Variants in TAS2R1 observed in about 807,000 individuals in gnomAD.
TAS2R1 encodes taste 2 receptor member 1, also known as taste receptor type 2 member 1.
For missense variants in TAS2R1, 370 were observed against 353.4 expected (o/e 1.05, Z -0.38); for synonymous variants, 141 against 134.2 (o/e 1.05, Z -0.35).
chr5:9,896,458 T>C, the TAS2R1 span, among the ~76,000 whole-genome samples: 12 of 152,176 alleles, frequency 7.9e-5, no homozygotes, highest in African/African-American at 1.9e-4. Flanking sequence ...TCCATCATTA[T>C]TCTCCAGACG....
the TAS2R1 span, among the ~76,000 whole-genome samples, chr5:9,833,494 A>G: frequency 6.6e-6 from 1 of 152,240 alleles, no homozygotes; most frequent in African/African-American, 2.4e-5. Flanking sequence ...GCAAAATGAC[A>G]AAGAAGGGTT....
At chr5:9,718,781 T>C in the TAS2R1 span, among the ~76,000 whole-genome samples, 5 of 152,136 alleles carry the variant, frequency 3.3e-5, no homozygotes, top group Non-Finnish European at 7.3e-5. Flanking sequence ...TGCAGTGGGA[T>C]GGCCGATAAC....
chr5:9,672,739 T>C (rs1363364382), intron 1 of TAS2R1, among the ~76,000 whole-genome samples: 1 of 152,222 alleles, frequency 6.6e-6, no homozygotes, highest in Non-Finnish European at 1.5e-5. Context: ...TTCAAAGAAC[T>C]TATCTTTGAA....
intron 2 of TAS2R1, among the ~76,000 whole-genome samples, chr5:9,655,572 T>A (rs1406515616): frequency 1.3e-5 from 2 of 152,084 alleles, no homozygotes; most frequent in South Asian, 4.1e-4. Flanking sequence ...GAAAGAAATA[T>A]ATAAGCCCCA....
the TAS2R1 span, among the ~76,000 whole-genome samples, chr5:9,755,031 G>T: frequency 6.6e-6 from 1 of 152,044 alleles, no homozygotes; most frequent in Non-Finnish European, 1.5e-5. Context: ...TCCATTTCAG[G>T]TTTTAAAAAT....
the TAS2R1 span, among the ~76,000 whole-genome samples, chr5:9,824,603 T>C: frequency 2.0e-5 from 3 of 152,070 alleles, no homozygotes; most frequent in Non-Finnish European, 2.9e-5. Context: ...TCCCAGCACT[T>C]TGGGGGGCCG....
the TAS2R1 span, among the ~76,000 whole-genome samples, chr5:9,879,274 G>A: frequency 6.6e-6 from 1 of 152,238 alleles, no homozygotes; most frequent in Non-Finnish European, 1.5e-5. Flanking sequence ...GGAGCTAGAA[G>A]CAAGAGGAAA....
the TAS2R1 span, among the ~76,000 whole-genome samples, chr5:9,880,857 G>C: frequency 6.6e-6 from 1 of 152,142 alleles, no homozygotes; most frequent in African/African-American, 2.4e-5. Context: ...TCAATAACCA[G>C]AGATGCCATA....
the TAS2R1 span, among the ~76,000 whole-genome samples, chr5:9,830,979 A>T: frequency 2.6e-5 from 4 of 152,308 alleles, no homozygotes; most frequent in East Asian, 7.7e-4. Flanking sequence ...TTAAAAAATC[A>T]TCTCATGCTT....
the TAS2R1 span, among the ~76,000 whole-genome samples, chr5:9,738,370 T>TAATAGCAG: frequency 6.6e-6 from 1 of 152,192 alleles, no homozygotes; most frequent in African/African-American, 2.4e-5. Context: ...CTGTCACGTT[T>TAATAGCAG]CCTGATAAAT....
At chr5:9,838,313 C>T in the TAS2R1 span, among the ~76,000 whole-genome samples, 1 of 152,174 alleles carries the variant, frequency 6.6e-6, no homozygotes, top group East Asian at 1.9e-4. Context: ...ATCTGTGGGC[C>T]CCTGGTTTTT....
the TAS2R1 span, chr5:9,765,752 A>G: frequency 6.6e-6 from 1 of 152,234 alleles, no homozygotes; most frequent in Non-Finnish European, 1.5e-5. Flanking sequence ...GACCTAATGC[A>G]AGAATAAACG....
intron 1 of TAS2R1, among the ~76,000 whole-genome samples, chr5:9,679,030 A>C (rs1307410317): frequency 2.0e-5 from 3 of 152,242 alleles, no homozygotes; most frequent in Admixed American, 6.5e-5. Context: ...TTCAGCAATA[A>C]AAATAAATGA....
the TAS2R1 span, among the ~76,000 whole-genome samples, chr5:9,862,393 C>A: frequency 7.2e-5 from 11 of 152,102 alleles, no homozygotes; most frequent in Non-Finnish European, 1.5e-4. Flanking sequence ...CCTGTTCTGA[C>A]AGCCTAACCT....
the TAS2R1 span, among the ~76,000 whole-genome samples, chr5:9,861,700 C>T: frequency 1.3e-5 from 2 of 152,194 alleles, no homozygotes; most frequent in Admixed American, 6.5e-5. Context: ...GTGTATACAG[C>T]AGCAAAAAGT....
intron 2 of TAS2R1, among the ~76,000 whole-genome samples, chr5:9,653,083 T>C (rs1450186360): frequency 1.3e-5 from 2 of 152,146 alleles, no homozygotes; most frequent in Non-Finnish European, 2.9e-5. Context: ...CCTTTCTGCT[T>C]CCTGTCTCTA....
the TAS2R1 span, among the ~76,000 whole-genome samples, chr5:9,822,647 C>T: frequency 6.6e-6 from 1 of 151,964 alleles, no homozygotes; most frequent in African/African-American, 2.4e-5. Flanking sequence ...CCGTGCCCAG[C>T]CTGTAATATT....
the TAS2R1 span, among the ~76,000 whole-genome samples, chr5:9,724,826 C>T: frequency 6.6e-6 from 1 of 152,220 alleles, no homozygotes; most frequent in African/African-American, 2.4e-5. Context: ...AGGCACTTCT[C>T]TCAAATGACT....
intron 2 of TAS2R1, among the ~76,000 whole-genome samples, chr5:9,653,468 A>G (rs1006778652): frequency 2.2e-4 from 33 of 152,186 alleles, no homozygotes; most frequent in Non-Finnish European, 3.5e-4. Context: ...TAAAGCTGCT[A>G]TAAACATGGG....
Sources: allele counts gnomAD v4.1 joint callset (sites outside exome capture counted in the v4.1 genomes callset), GRCh38; gene constraint gnomAD v4.1.1; transcripts MANE v1.5; gene names NCBI Gene and HGNC (gene_info 2026-07-23, HGNC 2026-07-21).